Variants in ABHD2 observed in about 807,000 individuals in gnomAD.
ABHD2 encodes the protein monoacylglycerol lipase ABHD2.
Under a neutral mutation model 48.1 loss-of-function variants are expected in ABHD2, and 20 were observed. The observed-to-expected ratio is 0.42, with a 90% confidence interval of 0.29 to 0.60. The LOEUF is 0.60. ABHD2 is among the 20% of genes least tolerant of loss of function. ABHD2 has a pLI of 0.24. For synonymous variants in ABHD2, 209 were observed against 214.2 expected (o/e 0.98, Z 0.21); for missense variants, 405 against 550.9 (o/e 0.74, Z 2.65).
At chr15:89,178,731 T>G (rs942468591) in intron 6 of ABHD2, among the ~76,000 whole-genome samples, 3 of 152,182 alleles carry the variant, frequency 2.0e-5, no homozygotes, top group African/African-American at 7.2e-5. Flanking sequence ...GACTTTAACA[T>G]GTTCCCTCAG....
chr15:89,117,277 T>G (rs1040237782), intron 3 of ABHD2, among the ~76,000 whole-genome samples: 2 of 152,198 alleles, frequency 1.3e-5, no homozygotes, highest in African/African-American at 4.8e-5. Flanking sequence ...CTGCCCGCCT[T>G]GGCCTCCCAA....
chr15:89,189,974 C>T lies in ABHD2; in HGVS notation c.927-1106C>T, dbSNP rs2051276906. Among the ~76,000 whole-genome samples, 1 of 152,138 alleles carries T rather than the reference C, an allele frequency of 6.6e-6. No individual in the cohort carries two copies. Among genetic ancestry groups the T allele is most frequent in the African/African-American group, 2.4e-5 (1 of 41,420 alleles). On this transcript the variant is annotated intron_variant, in intron 8 of 10. Transcript: ENST00000352732. This position sits in a 1 kb window ranked among gnomAD's most constrained non-coding sequence, Gnocchi z 4.9. ...GTAATACTGGAGGGATGGAACAATG[C>T]ATTTCCTGCCTGCTGAGACTGCAAA...
At position 89,193,551 on chromosome 15, in the gene ABHD2, A is replaced by G. The variant is rs1015848334; in HGVS notation, c.1081+232A>G. 1.8e-5 allele frequency: 10 copies of G among 559,436 alleles called. No individual in the cohort carries two copies. The African/African-American group carries it at 1.9e-4, about 11-fold the overall frequency. 34.7% of individuals were successfully genotyped at this position (559,436 alleles called of 1,614,324 possible). ...GGCATGAGACAGGACCACCATGTAT[A>G]TCCATAGCCAGTAGGGCTTTGGGGA... On this transcript the variant is annotated intron_variant, in intron 10 of 10. Transcript: ENST00000352732.
At chr15:89,061,680 C>T in the ABHD2 span, among the ~76,000 whole-genome samples, 1 of 152,056 alleles carries the variant, frequency 6.6e-6, no homozygotes, top group Admixed American at 6.6e-5. Context: ...TCAAGCCATC[C>T]TCCCACCTCA....
intron 3 of ABHD2, among the ~76,000 whole-genome samples, chr15:89,117,783 A>T (rs2049984922): frequency 6.6e-6 from 1 of 152,230 alleles, no homozygotes; most frequent in African/African-American, 2.4e-5. Context: ...AAGAGCAGAC[A>T]AATAGGCAAT....
Position 89,188,444 on chromosome 15 carries a change from G to C in ABHD2, c.926+141G>C. On this transcript the variant is annotated intron_variant, in intron 8 of 10. Coordinates refer to ENST00000352732, the MANE Select transcript of ABHD2 (RefSeq NM_152924.5). This position sits in a 1 kb window ranked among gnomAD's most constrained non-coding sequence, Gnocchi z 4.1. ...TTTTTTCCCTTTAAGTAAGTGTCTA[G>C]TGCTTAAAAACAGAAGATTTCACAG... 1.6e-6 allele frequency: 1 copy of C among 631,178 alleles called. No individual in the cohort carries two copies. 39.1% of individuals were successfully genotyped at this position (631,178 alleles called of 1,614,324 possible).
Position 89,164,649 on chromosome 15 carries a change from A to G in ABHD2, c.538+9115A>G, listed in dbSNP as rs2150910214. Reference sequence around the variant, plus strand: ...CTAAAAATGAAAAAAGCCAGGTGTGATGATACACACCTGTAATCTCAGCTA... The same window carrying G: ...CTAAAAATGAAAAAAGCCAGGTGTGGTGATACACACCTGTAATCTCAGCTA... On this transcript the variant is annotated intron_variant, in intron 5 of 10. Transcript: ENST00000352732. The surrounding 1 kb of genome is among the most constrained non-coding windows in gnomAD (Gnocchi z 5.0). Among the ~76,000 whole-genome samples, 1 of 152,118 alleles carries G rather than the reference A, an allele frequency of 6.6e-6. No individual in the cohort carries two copies. Among genetic ancestry groups the G allele is most frequent in the Middle Eastern group, 3.4e-3 (1 of 294 alleles).
intron 3 of ABHD2, among the ~76,000 whole-genome samples, chr15:89,150,543 G>C (rs890362298): frequency 6.6e-6 from 1 of 151,996 alleles, no homozygotes; most frequent in Non-Finnish European, 1.5e-5. Context: ...CCCCTCCCCC[G>C]AAAAGGAAGC....
the ABHD2 span, among the ~76,000 whole-genome samples, chr15:89,045,488 G>A: frequency 6.6e-6 from 1 of 152,130 alleles, no homozygotes; most frequent in South Asian, 2.1e-4. Context: ...AATTACCTTG[G>A]GCAGTATGGC....
intron 3 of ABHD2, among the ~76,000 whole-genome samples, chr15:89,125,948 A>AG (rs763555384): frequency 6.6e-6 from 1 of 152,204 alleles, no homozygotes; most frequent in Non-Finnish European, 1.5e-5. Flanking sequence ...ATCTAAAAAA[A>AG]GGTTCGGAAT....
the ABHD2 span, among the ~76,000 whole-genome samples, chr15:89,052,296 T>C: frequency 2.0e-5 from 3 of 152,158 alleles, no homozygotes; most frequent in East Asian, 5.8e-4. Context: ...AAGCTGATTC[T>C]AATTGCATTT....
At chr15:89,071,661 G>A in the ABHD2 span, among the ~76,000 whole-genome samples, 1 of 152,166 alleles carries the variant, frequency 6.6e-6, no homozygotes, top group African/African-American at 2.4e-5. Flanking sequence ...GGAGTGGGGT[G>A]GAGCTCACAT....
rs1166048591 is a variant in ABHD2 at position 89,179,101 on chromosome 15, G to T, written c.722+3106G>T. The stretch of plus-strand genomic sequence containing the variant: ...ATGTTACTAAGATATTACACATTTA[G>T]GCATATGGGTGCCAAGGAGGTCCTC... On this transcript the variant is annotated intron_variant, in intron 6 of 10. Coordinates refer to ENST00000352732, the MANE Select transcript of ABHD2 (RefSeq NM_152924.5). This position sits in a 1 kb window ranked among gnomAD's most constrained non-coding sequence, Gnocchi z 4.3. Among the ~76,000 whole-genome samples, 3 of 152,208 alleles carry T rather than the reference G, an allele frequency of 2.0e-5. No individual in the cohort carries two copies. Among genetic ancestry groups the T allele is most frequent in the Admixed American group, 6.5e-5 (1 of 15,276 alleles).
At chr15:89,108,629 T>C (rs561071988) in intron 1 of ABHD2, among the ~76,000 whole-genome samples, 7 of 152,348 alleles carry the variant, frequency 4.6e-5, no homozygotes, top group Admixed American at 2.6e-4. Flanking sequence ...CTTTCCGCAC[T>C]GTAAGTTGTG....
At chr15:89,076,314 C>T in the ABHD2 span, among the ~76,000 whole-genome samples, 2 of 152,322 alleles carry the variant, frequency 1.3e-5, no homozygotes, top group East Asian at 3.9e-4. Context: ...CATCTCAACA[C>T]TCGTATCCTC....
rs1224552459 is a variant in ABHD2 at position 89,166,463 on chromosome 15, C to T, written c.539-9349C>T. Among the ~76,000 whole-genome samples, 2 of 152,168 alleles carry T rather than the reference C, an allele frequency of 1.3e-5. No homozygotes were observed. Among genetic ancestry groups the T allele is most frequent in the Non-Finnish European group, 2.9e-5 (2 of 68,038 alleles). The stretch of plus-strand genomic sequence containing the variant: ...GGAGGAGGAAATCTTTAATGTCCAA[C>T]TGGGTTTAATACAGGAACTTTTTTG... On this transcript the variant is annotated intron_variant, in intron 5 of 10. Transcript: ENST00000352732. This position sits in a 1 kb window ranked among gnomAD's most constrained non-coding sequence, Gnocchi z 4.6.
At chr15:89,075,328 C>T in the ABHD2 span, 22,257 of 152,236 alleles carry the variant, frequency 0.15, 1,861 homozygotes, top group Middle Eastern at 0.22. The surrounding 1 kb of genome is among the most constrained non-coding windows in gnomAD (Gnocchi z 4.1). Context: ...ATGAACTCCA[C>T]AGGAAGATGA....
intron 3 of ABHD2, among the ~76,000 whole-genome samples, chr15:89,130,956 G>A (rs1596094928): frequency 1.3e-5 from 2 of 152,170 alleles, no homozygotes; most frequent in African/African-American, 4.8e-5. Flanking sequence ...GCCACAGGCA[G>A]CAGCCTGTGT....
At chr15:89,135,014 G>C (rs965126676) in intron 3 of ABHD2, among the ~76,000 whole-genome samples, 2 of 152,100 alleles carry the variant, frequency 1.3e-5, no homozygotes, top group Admixed American at 6.5e-5. Flanking sequence ...AAATGCTGAT[G>C]TCAAATGTCA....
Sources: gnomAD v4.1 joint callset for allele counts (sites outside exome capture counted in the v4.1 genomes callset) on GRCh38, gnomAD v4.1.1 for gene constraint, Gnocchi (gnomAD v3.1) non-coding constraint, MANE v1.5 for transcripts, NCBI Gene and HGNC (gene_info 2026-07-23, HGNC 2026-07-21) for gene names.